BLOC1S6: variants seen among roughly 807,000 people sequenced by gnomAD.
BLOC1S6 encodes biogenesis of lysosome-related organelles complex 1 subunit 6.
In BLOC1S6, 24 loss-of-function variants were observed where a neutral mutation model predicts 24.7. The ratio of observed to expected loss-of-function variants is 0.97; its 90% CI spans 0.70 to 1.37. The LOEUF is 1.37. Ranked by LOEUF, BLOC1S6 falls within the 40% of genes most tolerant of loss-of-function variation. The pLI is 0.00. For missense variants in BLOC1S6, 175 were observed against 196.2 expected (o/e 0.89, Z 0.64); for synonymous variants, 76 against 72.6 (o/e 1.05, Z -0.23).
chr15:45,606,150 C>G (rs1894449360), intron 4 of BLOC1S6, among the ~76,000 whole-genome samples: 1 of 152,070 alleles, frequency 6.6e-6, no homozygotes, highest in Non-Finnish European at 1.5e-5. Flanking sequence ...AGCATTTTTA[C>G]TAATAGCTGG....
intron 2 of BLOC1S6, among the ~76,000 whole-genome samples, chr15:45,593,750 A>G (rs1420828306): frequency 6.6e-6 from 1 of 152,178 alleles, no homozygotes; most frequent in Non-Finnish European, 1.5e-5. Flanking sequence ...TATTTTGACG[A>G]TGATAGTAAA....
rs932628285 is a variant in BLOC1S6, at chr15:45,606,891, C to G, written c.*377C>G. The G allele has an allele frequency of 4.3e-5, 9 of 210,562 alleles. No individual in the cohort carries two copies. Among genetic ancestry groups the G allele is most frequent in the African/African-American group, 2.1e-4 (9 of 42,398 alleles). 13.0% of individuals were successfully genotyped at this position (210,562 alleles called of 1,614,324 possible). On this transcript the variant is annotated 3_prime_UTR_variant, in exon 5 of 5. Coordinates refer to ENST00000220531, the MANE Select transcript of BLOC1S6 (RefSeq NM_012388.4). ...AGTTCTTATTTTATGAAATGACTTG[C>G]CTTTCTGGTAATACAATGCTGATTT...
At chr15:45,597,928 A>G (rs1226121242) in intron 2 of BLOC1S6, 1 of 378,114 alleles carries the variant, frequency 2.6e-6, no homozygotes, top group East Asian at 9.1e-5. Flanking sequence ...CATTGATGCA[A>G]AAATCCTCAA....
intron 3 of BLOC1S6, among the ~76,000 whole-genome samples, chr15:45,604,609 A>G (rs530936058): frequency 6.6e-6 from 1 of 152,300 alleles, no homozygotes; most frequent in South Asian, 2.1e-4. Context: ...TCATCTGGGA[A>G]CTGAAAACTG....
intron 1 of BLOC1S6, chr15:45,587,835 G>C (rs998724610): frequency 1.4e-6 from 1 of 690,038 alleles, no homozygotes; most frequent in Non-Finnish European, 2.6e-6. Context: ...AGTGGTGGGG[G>C]ATGGATTTAC....
chr15:45,593,423 T>C lies in BLOC1S6; in HGVS notation c.224+1147T>C, dbSNP rs1280356306. ...AAAAAAAAAAAGTGGTACTGGGTTA[T>C]TCTAAGACTACATGTGTACTACTAT... On this transcript the variant is annotated intron_variant, in intron 2 of 4. Transcript: ENST00000220531. Among the ~76,000 whole-genome samples, 10 of 151,288 alleles carry C rather than the reference T, an allele frequency of 6.6e-5. No homozygotes were observed. In the South Asian group the frequency reaches 2.1e-3, roughly 32 times the overall value.
intron 3 of BLOC1S6, 87 bp downstream of exon 3, chr15:45,603,274 C>T: frequency 1.2e-6 from 1 of 839,310 alleles, no homozygotes; most frequent in South Asian, 1.5e-5. Context: ...AGATTTTAAG[C>T]TTAGAATTTG....
In BLOC1S6 at chr15:45,607,455, G is replaced by C. The variant is rs1190434351; in HGVS notation, c.*941G>C. 2 of 152,134 alleles carry C rather than the reference G, an allele frequency of 1.3e-5. No homozygotes were observed. The highest frequency in any genetic ancestry group is 1.3e-4 in the Admixed American group (2 of 15,244). The allele number at this position is 152,134 out of a possible 1,614,324, so 9.4% of individuals were successfully genotyped here. ...TATAGTAACAGTTATCATACACTGA[G>C]ATATAGTTTCTGTGCTTGTAAAAAA... On this transcript the variant is annotated 3_prime_UTR_variant, in exon 5 of 5. Transcript: ENST00000220531.
intron 2 of BLOC1S6, among the ~76,000 whole-genome samples, chr15:45,601,733 C>T (rs1894277053): frequency 6.6e-6 from 1 of 151,768 alleles, no homozygotes; most frequent in Non-Finnish European, 1.5e-5. Flanking sequence ...TGTTTTCCCC[C>T]TTCTATTGTT....
In BLOC1S6 at chr15:45,605,478, G is replaced by A. The variant is rs1341634598; in HGVS notation, c.363G>A (p.Glu121=). Residue 121 remains glutamate, a synonymous_variant, in exon 4 of 5, where the codon GAG becomes GAA. Transcript: ENST00000220531. ...YHAKLVNIRK[E]MLMLHEKTSK... Reference sequence around the variant, plus strand: ...CCAAGTTGGTGAATATAAGAAAAGAGATGCTGATGCTTCATGAAAAAACAT... The same window carrying A: ...CCAAGTTGGTGAATATAAGAAAAGAAATGCTGATGCTTCATGAAAAAACAT... The A allele has an allele frequency of 1.2e-6, 2 of 1,611,802 alleles. No individual in the cohort carries two copies. Among genetic ancestry groups the A allele is most frequent in the Non-Finnish European group, 1.7e-6 (2 of 1,178,762 alleles).
Position 45,592,088 on chromosome 15 carries a change from AAT to A in BLOC1S6, c.83-45_83-44del, listed in dbSNP as rs772615305. On this transcript the variant is annotated intron_variant, in intron 1 of 4. Coordinates refer to ENST00000220531, the MANE Select transcript of BLOC1S6 (RefSeq NM_012388.4). Reference sequence around the variant, plus strand: ...CTGCTTCAGTTGACCAGCCTAAAAAAATAAAATAAATAAAAGGTTCCTAAATT... The same window carrying A: ...CTGCTTCAGTTGACCAGCCTAAAAAAAAAATAAATAAAAGGTTCCTAAATT... 14 of 1,604,590 alleles carry A rather than the reference AAT, an allele frequency of 8.7e-6. No homozygotes were observed. The African/African-American group carries it at 1.9e-4, about 22-fold the overall frequency.
In BLOC1S6 at chr15:45,605,693, G is replaced by A. The variant is rs569889420; in HGVS notation, c.399+179G>A. On this transcript the variant is annotated intron_variant, in intron 4 of 4. Coordinates refer to ENST00000220531, the MANE Select transcript of BLOC1S6 (RefSeq NM_012388.4). ...CAACCTCTGCCTCCGGGGTTGAAGC[G>A]ATTCTTCTGCCTCAGCTCCCCAGGT... 1.5e-4 allele frequency: 79 copies of A among 518,816 alleles called. 2 individuals carry two copies. The highest frequency in any genetic ancestry group is 1.3e-3 in the African/African-American group (67 of 51,158). 32.1% of individuals were successfully genotyped at this position (518,816 alleles called of 1,614,324 possible). A position where few individuals can be genotyped will look rare whatever the true frequency, so the allele number is the denominator to read the frequency against.
intron 1 of BLOC1S6, among the ~76,000 whole-genome samples, chr15:45,589,471 G>C (rs1209678778): frequency 1.3e-5 from 2 of 152,192 alleles, no homozygotes; most frequent in Non-Finnish European, 2.9e-5. Context: ...TCCATTCTTT[G>C]AGCCTTAGCT....
At chr15:45,604,413 G>A (rs149663952) in intron 3 of BLOC1S6, among the ~76,000 whole-genome samples, 1 of 152,232 alleles carries the variant, frequency 6.6e-6, no homozygotes, top group African/African-American at 2.4e-5. Context: ...GAGGGAGGTG[G>A]GCAAGGCTAC....
chr15:45,598,448 CA>C (rs1413421297), intron 2 of BLOC1S6: 2 of 40,832 alleles, frequency 4.9e-5, no homozygotes, highest in Non-Finnish European at 9.6e-5. Flanking sequence ...CGTCTCAGCC[CA>C]AAATCTCCTT....
intron 1 of BLOC1S6, 160 bp downstream of exon 1, chr15:45,587,685 C>G (rs1263576946): frequency 1.3e-6 from 1 of 766,218 alleles, no homozygotes; most frequent in East Asian, 2.7e-5. Context: ...CGCGCCGGCC[C>G]CTCTGCCCAG....
chr15:45,601,687 T>C (rs1894275268), intron 2 of BLOC1S6, among the ~76,000 whole-genome samples: 1 of 152,142 alleles, frequency 6.6e-6, no homozygotes. Context: ...TTTATTGATC[T>C]TTTAAAGAAC....
rs2140921333 is a variant in BLOC1S6, at chr15:45,607,178, G to T, written c.*664G>T. ...GGGCATGGTGGCTTATGGAAAAGAG[G>T]TGAGCCTTTGTGAAGAACATAATGG... On this transcript the variant is annotated 3_prime_UTR_variant, in exon 5 of 5. Transcript: ENST00000220531. 6.6e-6 allele frequency: 1 copy of T among 152,514 alleles called. No individual in the cohort carries two copies. The highest frequency in any genetic ancestry group is 2.4e-5 in the African/African-American group (1 of 41,574). 9.4% of individuals were successfully genotyped at this position (152,514 alleles called of 1,614,324 possible).
In BLOC1S6 at chr15:45,609,618, T is replaced by C. The variant is rs1242078111; in HGVS notation, c.*3104T>C. On this transcript the variant is annotated 3_prime_UTR_variant, in exon 5 of 5. Coordinates refer to ENST00000220531, the MANE Select transcript of BLOC1S6 (RefSeq NM_012388.4). ...TTTTGGGTGATACAGTTTATAAATA[T>C]AACAATTATACACCCTCATACATTC... 1 of 152,210 alleles carries C rather than the reference T, an allele frequency of 6.6e-6. No homozygotes were observed. Among genetic ancestry groups the C allele is most frequent in the Admixed American group, 6.5e-5 (1 of 15,276 alleles). 9.4% of individuals were successfully genotyped at this position (152,210 alleles called of 1,614,324 possible).
Sources: allele counts gnomAD v4.1 joint callset (sites outside exome capture counted in the v4.1 genomes callset), GRCh38; gene constraint gnomAD v4.1.1; transcripts MANE v1.5; gene names NCBI Gene and HGNC (gene_info 2026-07-23, HGNC 2026-07-21).